Variants in RPAP1 observed in about 807,000 individuals in gnomAD.
RPAP1 encodes the protein RNA polymerase II associated protein 1, also known as RNA polymerase II-associated protein 1.
RPAP1 carries 109 observed loss-of-function variants against 142.4 expected under a neutral mutation model. The observed-to-expected ratio is 0.77, with a 90% CI of 0.66 to 0.90. RPAP1 has a LOEUF of 0.90. Ranked by LOEUF, RPAP1 falls within the 40% of genes least tolerant of loss-of-function variation. RPAP1 has a pLI of 0.00. For missense variants in RPAP1, 1,546 were observed against 1,751.7 expected (o/e 0.88, Z 2.10); for synonymous variants, 704 against 738.9 (o/e 0.95, Z 0.77).
rs1234244149 is a variant in RPAP1, at chr15:41,535,579, T to G, written c.474A>C (p.Ala158=). The change falls in exon 5 of 25, where the codon GCA becomes GCC. Residue 158 remains alanine (A), a synonymous_variant. Transcript: ENST00000304330. ...KRSIFAQEIA[A]RRIAEAKGPS... is the part of the protein sequence containing the mutation. ...GGCCCTTGGCTTCAGCTATCCTCCT[T>G]GCCGCAATTTCCTGGGCAAAGATGC... is the stretch of plus-strand genomic sequence containing the variant. 2 of 1,614,086 alleles carry G rather than the reference T, an allele frequency of 1.2e-6. No individual in the cohort carries two copies. The highest frequency in any genetic ancestry group is 1.1e-5 in the South Asian group (1 of 91,068).
rs1286135323 is a variant in RPAP1 at position 41,524,257 on chromosome 15, A to G, written c.2076-3T>C. 2 of 1,516,056 alleles carry G rather than the reference A, an allele frequency of 1.3e-6. No individual in the cohort carries two copies. The highest frequency in any genetic ancestry group is 2.8e-5 in the African/African-American group (2 of 71,692). The allele number at this position is 1,516,056 out of a possible 1,614,324, so 93.9% of individuals were successfully genotyped here. ...GCATCAGCACTGGGTAGAGCTCCCT[A>G]GGGAAGAACAGGGACTGATTTTCAC... On this transcript the variant is annotated splice_region_variant and splice_polypyrimidine_tract_variant and intron_variant, in intron 15 of 24. Transcript: ENST00000304330.
intron 1 of RPAP1, among the ~76,000 whole-genome samples, chr15:41,541,307 C>A (rs1182055273): frequency 6.6e-6 from 1 of 151,836 alleles, no homozygotes; most frequent in Non-Finnish European, 1.5e-5. Context: ...CCTGTACTCC[C>A]AGCTACTTGG....
chr15:41,536,253 T>A (rs747718429), intron 3 of RPAP1, 35 bp from the exon 4 acceptor site: 2 of 1,586,594 alleles, frequency 1.3e-6, no homozygotes, highest in Middle Eastern at 1.7e-4. Context: ...TGAAGCACAA[T>A]GGAGAAACTT....
At chr15:41,529,665 A>C in intron 8 of RPAP1, 97 bp from the exon 9 acceptor site, 1 of 952,142 alleles carries the variant, frequency 1.1e-6, no homozygotes. Flanking sequence ...GGACTTAGGT[A>C]CTGACTCTAC....
At chr15:41,527,627 G>T in intron 11 of RPAP1, 22 bp from the exon 12 acceptor site, 2 of 1,600,792 alleles carry the variant, frequency 1.2e-6, no homozygotes, top group South Asian at 1.1e-5. Context: ...ACGGGAGTTG[G>T]GGGGCAATGC....
chr15:41,531,982 A>T (rs1727410733), intron 6 of RPAP1, among the ~76,000 whole-genome samples: 1 of 151,026 alleles, frequency 6.6e-6, no homozygotes, highest in South Asian at 2.1e-4. Context: ...CAGCCTCCCA[A>T]GTAACTGGGA....
In RPAP1 at chr15:41,528,011, A is replaced by C; in HGVS notation, c.1277T>G (p.Phe426Cys). 6.2e-7 allele frequency: 1 copy of C among 1,613,982 alleles called. No individual in the cohort carries two copies. Among genetic ancestry groups the C allele is most frequent in the South Asian group, 1.1e-5 (1 of 91,052 alleles). Residue 426 changes from phenylalanine to cysteine, a missense_variant, in exon 11 of 25, where the codon TTT becomes TGT. This residue lies in a region of RPAP1 where 1,333 missense variants were observed against 1,486.6 expected (regional missense o/e 0.90). Coordinates refer to ENST00000304330, the MANE Select transcript of RPAP1 (RefSeq NM_015540.4). ...GACACTGCCTGCTAGCCGGTCCCCA[A>C]ACTCACCAGCCTGGGCCTGAGGGCA... Reference protein sequence around the residue: ...QVISRAQAGEFGDRLAGSVLS... With the variant: ...QVISRAQAGECGDRLAGSVLS...
Position 41,517,407 on chromosome 15 carries a change from C to T in RPAP1, c.*135G>A. On this transcript the variant is annotated 3_prime_UTR_variant, in exon 25 of 25. Transcript: ENST00000304330. ...GCTCTAAAACAGCTCAAACAACCTG[C>T]TCCCAGGAAGGCAAGCCTTCTGCTC... The T allele has an allele frequency of 1.2e-6, 1 of 806,390 alleles. No homozygotes were observed. Among genetic ancestry groups the T allele is most frequent in the Non-Finnish European group, 1.9e-6 (1 of 514,498 alleles). The allele number at this position is 806,390 out of a possible 1,614,324, so 50.0% of individuals were successfully genotyped here.
intron 7 of RPAP1, among the ~76,000 whole-genome samples, 160 bp downstream of exon 7, chr15:41,530,863 T>A (rs2051839555): frequency 6.6e-6 from 1 of 152,156 alleles, no homozygotes. Context: ...GAAGAAGACA[T>A]GCATCAGCAA....
Position 41,534,880 on chromosome 15 carries a change from C to T in RPAP1, c.597G>A (p.Gly199=). The part of the protein sequence containing the change: ...TPRNQGCQLP[G]SSHSFQGPNL... ...TGGGTCCCTGAAAGCTGTGGCTGCT[C>T]CCAGGAAGCTGGCAGCCCTGGTTCC... Residue 199 remains glycine (G), a synonymous_variant, in exon 6 of 25, where the codon GGG becomes GGA. Coordinates refer to ENST00000304330, the MANE Select transcript of RPAP1 (RefSeq NM_015540.4). 1.2e-6 allele frequency: 2 copies of T among 1,614,228 alleles called. No individual in the cohort carries two copies. The highest frequency in any genetic ancestry group is 1.7e-6 in the Non-Finnish European group (2 of 1,180,030).
intron 22 of RPAP1, among the ~76,000 whole-genome samples, chr15:41,518,833 G>A (rs950960419): frequency 2.0e-5 from 3 of 152,100 alleles, no homozygotes; most frequent in Admixed American, 6.6e-5. Flanking sequence ...GCAACAGAGC[G>A]AGACTCTGTC....
In RPAP1 at chr15:41,517,518, A is replaced by G; in HGVS notation, c.*24T>C. The G allele has an allele frequency of 2.6e-6, 4 of 1,524,698 alleles. No individual in the cohort carries two copies. The highest frequency in any genetic ancestry group is 3.5e-6 in the Non-Finnish European group (4 of 1,134,802). The allele number at this position is 1,524,698 out of a possible 1,614,324, so 94.4% of individuals were successfully genotyped here. A position where few individuals can be genotyped will look rare whatever the true frequency, so the allele number is the denominator to read the frequency against. ...AGGCTGGATACAGGACAACGTACCC[A>G]TCTTTCCATCTATATCAACTATCCT... On this transcript the variant is annotated 3_prime_UTR_variant, in exon 25 of 25. Coordinates refer to ENST00000304330, the MANE Select transcript of RPAP1 (RefSeq NM_015540.4).
At chr15:41,539,780 G>C (rs895678330) in intron 1 of RPAP1, among the ~76,000 whole-genome samples, 2 of 151,502 alleles carry the variant, frequency 1.3e-5, no homozygotes, top group African/African-American at 4.8e-5. Context: ...GCTCACATCA[G>C]TAATCCCAGC....
In RPAP1 at chr15:41,523,005, G is replaced by T. The variant is rs1251064494; in HGVS notation, c.2547-45C>A. On this transcript the variant is annotated intron_variant, in intron 18 of 24. Transcript: ENST00000304330. ...TCTGAGGGGGACTCTGGCCTGGCGT[G>T]TGCCAAGCTGGAAAGAGCTTCTGGG... 2.7e-6 allele frequency: 4 copies of T among 1,459,454 alleles called. No homozygotes were observed. In the South Asian group the frequency reaches 6.0e-5, roughly 22 times the overall value. The allele number at this position is 1,459,454 out of a possible 1,614,324, so 90.4% of individuals were successfully genotyped here. A position where few individuals can be genotyped will look rare whatever the true frequency, so the allele number is the denominator to read the frequency against.
intron 1 of RPAP1, among the ~76,000 whole-genome samples, chr15:41,537,901 T>C (rs1595489438): frequency 7.5e-6 from 1 of 132,496 alleles, no homozygotes; most frequent in Non-Finnish European, 1.7e-5. Flanking sequence ...AAAAAAAAAA[T>C]TGTATGTCTA....
chr15:41,536,890 G>A, intron 2 of RPAP1, 55 bp downstream of exon 2: 3 of 1,574,810 alleles, frequency 1.9e-6, no homozygotes, highest in South Asian at 2.3e-5. Context: ...GGAAGAGGGA[G>A]GGGCCCGAGG....
At chr15:41,524,356 G>A (rs1166040343) in intron 15 of RPAP1, 102 bp from the exon 16 acceptor site, 1 of 1,048,096 alleles carries the variant, frequency 9.5e-7, no homozygotes, top group Non-Finnish European at 1.3e-6. Context: ...GATAAAGGAG[G>A]ATGAGGAGGA....
At position 41,522,322 on chromosome 15, in the gene RPAP1, C is replaced by T. The variant is rs1286425353; in HGVS notation, c.2743-72G>A. 21 of 1,452,148 alleles carry T rather than the reference C, an allele frequency of 1.4e-5. No homozygotes were observed. In the East Asian group the frequency reaches 1.7e-4, roughly 12 times the overall value. 90.0% of individuals were successfully genotyped at this position (1,452,148 alleles called of 1,614,324 possible). On this transcript the variant is annotated intron_variant, in intron 19 of 24. Transcript: ENST00000304330. ...CTTCTAGGGCTCCCCAGGTGGCTGC[C>T]CCTCTCCAGACTCAGGGAAATGAGT...
intron 21 of RPAP1, 100 bp from the exon 22 acceptor site, chr15:41,521,247 C>T: frequency 8.6e-7 from 1 of 1,166,756 alleles, no homozygotes; most frequent in Non-Finnish European, 1.2e-6. Context: ...AGGTCCAGAC[C>T]TGTGCCTCTC....
Sources: gnomAD v4.1 joint callset for allele counts (sites outside exome capture counted in the v4.1 genomes callset) on GRCh38, gnomAD v4.1.1 for gene constraint, gnomAD v4.1.1 regional missense constraint, MANE v1.5 for transcripts, NCBI Gene and HGNC (gene_info 2026-07-23, HGNC 2026-07-21) for gene names.